The following UTS2 variants were observed in gnomAD, a reference collection of about 807,000 sequenced individuals.
The protein encoded by UTS2 is urotensin-2.
UTS2 carries 10 observed loss-of-function variants against 12.6 expected under a neutral mutation model. The ratio of observed to expected loss-of-function variants is 0.80; its 90% confidence interval spans 0.49 to 1.35. UTS2 has a LOEUF of 1.35. Ranked by LOEUF, UTS2 falls within the 40% of genes most tolerant of loss-of-function variation. UTS2 has a pLI of 0.00. For synonymous variants in UTS2, 52 were observed against 50.0 expected (o/e 1.04, Z -0.17); for missense variants, 142 against 143.2 (o/e 0.99, Z 0.04).
chr1:7,876,319 G>T, the UTS2 span, among the ~76,000 whole-genome samples: 2 of 152,214 alleles, frequency 1.3e-5, no homozygotes, highest in Admixed American at 6.5e-5. Context: ...ACACATCAGG[G>T]GCCGAGGAAT....
chr1:7,861,874 A>G, the UTS2 span, among the ~76,000 whole-genome samples: 1 of 151,142 alleles, frequency 6.6e-6, no homozygotes, highest in Non-Finnish European at 1.5e-5. Flanking sequence ...GGATTCCCCC[A>G]GGTGCCAATG....
upstream of UTS2, chr1:7,853,420 G>T (rs147322701): frequency 2.5e-6 from 4 of 1,613,280 alleles, no homozygotes; most frequent in East Asian, 8.9e-5. Context: ...GATGAAATAC[G>T]TTGGTTTCCA....
the UTS2 span, among the ~76,000 whole-genome samples, chr1:7,887,962 C>G: frequency 6.6e-6 from 1 of 152,084 alleles, no homozygotes; most frequent in Non-Finnish European, 1.5e-5. Flanking sequence ...GGAGCTCTTT[C>G]CAAAGACCAA....
At chr1:7,877,126 C>CAA in the UTS2 span, among the ~76,000 whole-genome samples, 1,204 of 62,668 alleles carry the variant, frequency 0.019, 26 homozygotes, top group African/African-American at 0.054. Context: ...GAGACTCTAT[C>CAA]AAAAAAAAAA....
the UTS2 span, among the ~76,000 whole-genome samples, chr1:7,876,933 C>T: frequency 6.6e-6 from 1 of 151,764 alleles, no homozygotes; most frequent in African/African-American, 2.4e-5. Flanking sequence ...AGATCGAGAC[C>T]ATCCTGGCCA....
chr1:7,908,683 C>T, the UTS2 span, among the ~76,000 whole-genome samples: 1 of 151,932 alleles, frequency 6.6e-6, no homozygotes, highest in East Asian at 1.9e-4. Flanking sequence ...TGTTCTCATG[C>T]AGCTAATAAA....
At chr1:7,858,045 CTG>C (rs1430472708), upstream of UTS2, among the ~76,000 whole-genome samples, 2 of 152,088 alleles carry the variant, frequency 1.3e-5, no homozygotes, top group Non-Finnish European at 2.9e-5. Flanking sequence ...GAGATGAACT[CTG>C]GGGCTCCAAG....
At chr1:7,904,010 C>T in the UTS2 span, among the ~76,000 whole-genome samples, 2,941 of 152,294 alleles carry the variant, frequency 0.019, 49 homozygotes, top group Middle Eastern at 0.034. Context: ...TTGCCCATAA[C>T]TGCTAAAGTT....
chr1:7,885,736 T>A, the UTS2 span, among the ~76,000 whole-genome samples: 1 of 151,670 alleles, frequency 6.6e-6, no homozygotes, highest in African/African-American at 2.4e-5. Context: ...AGAATGGGCA[T>A]GGCCTAGGGT....
chr1:7,875,367 C>G, the UTS2 span, among the ~76,000 whole-genome samples: 4 of 152,224 alleles, frequency 2.6e-5, no homozygotes, highest in African/African-American at 9.6e-5. Context: ...AGTCACGGCG[C>G]CCGGCCAATT....
At chr1:7,887,551 GA>G in the UTS2 span, among the ~76,000 whole-genome samples, 1 of 143,244 alleles carries the variant, frequency 7.0e-6, no homozygotes, top group East Asian at 2.1e-4. Flanking sequence ...TTGAGCCCAG[GA>G]GTTTGAGACC....
the UTS2 span, among the ~76,000 whole-genome samples, chr1:7,910,063 C>CT: frequency 1.3e-5 from 2 of 152,100 alleles, no homozygotes; most frequent in Non-Finnish European, 1.5e-5. Flanking sequence ...ATTTGTAAAG[C>CT]TTAATATATG....
the UTS2 span, among the ~76,000 whole-genome samples, chr1:7,885,457 G>A: frequency 5.9e-5 from 9 of 152,250 alleles, no homozygotes; most frequent in Admixed American, 5.2e-4. Context: ...AGATGGCCCC[G>A]GTATAGGCCG....
chr1:7,861,720 T>C, the UTS2 span, among the ~76,000 whole-genome samples: 1 of 152,018 alleles, frequency 6.6e-6, no homozygotes, highest in African/African-American at 2.4e-5. Flanking sequence ...ACAGCCCCCT[T>C]TCCCCAGGAC....
At chr1:7,905,953 C>T in the UTS2 span, among the ~76,000 whole-genome samples, 1 of 151,156 alleles carries the variant, frequency 6.6e-6, no homozygotes, top group Admixed American at 6.6e-5. Flanking sequence ...TTGCTGGGCA[C>T]ACGGGGGCCT....
At chr1:7,874,838 G>T in the UTS2 span, among the ~76,000 whole-genome samples, 1 of 152,154 alleles carries the variant, frequency 6.6e-6, no homozygotes, top group Admixed American at 6.5e-5. Flanking sequence ...ATGATAGTGA[G>T]TAAATTCTCA....
the UTS2 span, among the ~76,000 whole-genome samples, chr1:7,902,730 T>C: frequency 2.8e-4 from 43 of 152,292 alleles, no homozygotes; most frequent in Non-Finnish European, 5.0e-4. Flanking sequence ...CAGCGCCTCC[T>C]ATTTCCTTCC....
chr1:7,906,814 A>G, the UTS2 span, among the ~76,000 whole-genome samples: 4 of 152,204 alleles, frequency 2.6e-5, no homozygotes, highest in African/African-American at 9.6e-5. Flanking sequence ...AATATTGAAC[A>G]CCAGTTAACT....
the UTS2 span, among the ~76,000 whole-genome samples, chr1:7,902,103 G>A: frequency 6.6e-6 from 1 of 152,110 alleles, no homozygotes; most frequent in Non-Finnish European, 1.5e-5. Context: ...CTGTGGCTCT[G>A]GGTAGGGAGG....
Sources: allele counts gnomAD v4.1 joint callset (sites outside exome capture counted in the v4.1 genomes callset), GRCh38; gene constraint gnomAD v4.1.1; transcripts MANE v1.5; gene names NCBI Gene and HGNC (gene_info 2026-07-23, HGNC 2026-07-21).